The following GNG7 variants were observed in gnomAD, a reference collection of about 807,000 sequenced individuals.
GNG7 encodes the protein G protein subunit gamma 7.
GNG7 carries 1 observed loss-of-function variant against 4.0 expected under a neutral mutation model. That is an observed-to-expected ratio of 0.25 (90% CI 0.09 to 1.18). GNG7 has a LOEUF of 1.18. Among genes scored for constraint, GNG7 ranks in the 50% most tolerant of loss-of-function variants. The pLI is 0.50. For synonymous variants in GNG7, 34 were observed against 36.9 expected, an observed-to-expected ratio of 0.92 and a Z score of 0.29; for missense variants, 86 against 91.9, an observed-to-expected ratio of 0.94 and a Z score of 0.26.
chr19:2,541,018 G>A lies in GNG7; in HGVS notation c.-38+14131C>T, dbSNP rs190999175. On this transcript the variant is annotated intron_variant, in intron 3 of 4. Coordinates refer to ENST00000382159, the MANE Select transcript of GNG7 (RefSeq NM_052847.3). ...CTGAGAGCTGGCCGGGGCGGCCTGC[G>A]TAAAAGGACAGGAATGTCAAGAATG... 4.7e-3 allele frequency among the ~76,000 whole-genome samples: 716 copies of A among 152,378 alleles called. 17 individuals carry two copies. The highest frequency in any genetic ancestry group is 0.04 in the Admixed American group (613 of 15,302).
chr19:2,627,311 C>T (rs567980265), intron 2 of GNG7, among the ~76,000 whole-genome samples: 2 of 151,970 alleles, frequency 1.3e-5, no homozygotes, highest in Non-Finnish European at 2.9e-5. Flanking sequence ...CCAGGATGAC[C>T]CACCCCAGAG....
At chr19:2,518,182 T>C (rs184063531) in intron 4 of GNG7, among the ~76,000 whole-genome samples, 1 of 152,058 alleles carries the variant, frequency 6.6e-6, no homozygotes, top group East Asian at 1.9e-4. Flanking sequence ...GGTCGCCGCG[T>C]TGGAGCTGGG....
At chr19:2,616,161 T>G (rs1981718484) in intron 2 of GNG7, among the ~76,000 whole-genome samples, 1 of 152,160 alleles carries the variant, frequency 6.6e-6, no homozygotes, top group Non-Finnish European at 1.5e-5. Flanking sequence ...GTGATCCCAG[T>G]GCTTTGGGAG....
intron 3 of GNG7, among the ~76,000 whole-genome samples, chr19:2,522,877 T>G (rs1978317822): frequency 6.6e-6 from 1 of 151,360 alleles, no homozygotes; most frequent in Non-Finnish European, 1.5e-5. Flanking sequence ...TTAAGAGGAC[T>G]TTTTTTAGAC....
At chr19:2,663,879 G>A (rs1477074460) in intron 1 of GNG7, among the ~76,000 whole-genome samples, 2 of 152,160 alleles carry the variant, frequency 1.3e-5, no homozygotes, top group Admixed American at 1.3e-4. Context: ...CTGGGGTGGG[G>A]CCGTTCTGGG....
At chr19:2,556,297 G>A (rs1440214524) in intron 2 of GNG7, among the ~76,000 whole-genome samples, 1 of 152,222 alleles carries the variant, frequency 6.6e-6, no homozygotes, top group East Asian at 1.9e-4. Context: ...GGCTCACCCT[G>A]CAGTGGGCTT....
At position 2,609,272 on chromosome 19, in the gene GNG7, A is replaced by C. The variant is rs1276942096; in HGVS notation, c.-78+36952T>G. Among the ~76,000 whole-genome samples the C allele has an allele frequency of 6.6e-6, 1 of 151,696 alleles. No homozygotes were observed. Among genetic ancestry groups the C allele is most frequent in the Non-Finnish European group, 1.5e-5 (1 of 67,916 alleles). On this transcript the variant is annotated intron_variant, in intron 2 of 4. Transcript: ENST00000382159. This position sits in a 1 kb window ranked among gnomAD's most constrained non-coding sequence, Gnocchi z 4.4. ...GAACTCCTAGCCTCATGATCCTCCC[A>C]CCTCAGTGTCCTGTGGAGCTGGGAC...
intron 3 of GNG7, among the ~76,000 whole-genome samples, chr19:2,547,529 C>G (rs1336317391): frequency 6.6e-6 from 1 of 152,108 alleles, no homozygotes; most frequent in African/African-American, 2.4e-5. Flanking sequence ...CCCGGATCAT[C>G]CACGGTGGTG....
intron 3 of GNG7, chr19:2,538,304 C>T (rs1232309638): frequency 6.6e-6 from 3 of 456,250 alleles, no homozygotes; most frequent in African/African-American, 4.0e-5. Flanking sequence ...TTAGAGAGAT[C>T]CCTCCACGAT....
chr19:2,602,414 C>T (rs1981228583), intron 2 of GNG7, among the ~76,000 whole-genome samples: 1 of 152,230 alleles, frequency 6.6e-6, no homozygotes, highest in Admixed American at 6.5e-5. Context: ...CCCCTGTACC[C>T]ACCCCCTCCT....
At chr19:2,574,860 C>T (rs1004573325) in intron 2 of GNG7, among the ~76,000 whole-genome samples, 1 of 152,164 alleles carries the variant, frequency 6.6e-6, no homozygotes, top group Non-Finnish European at 1.5e-5. Flanking sequence ...TCTCCTCTCC[C>T]GCTCTTGTCC....
chr19:2,596,604 GGCTGT>G (rs1473895639), intron 2 of GNG7, among the ~76,000 whole-genome samples: 1 of 151,806 alleles, frequency 6.6e-6, no homozygotes, highest in Non-Finnish European at 1.5e-5. Flanking sequence ...AAGAGGTTGA[GGCTGT>G]AGTGAGCCAT....
At chr19:2,575,740 C>G (rs12971455) in intron 2 of GNG7, among the ~76,000 whole-genome samples, 1,269 of 75,586 alleles carry the variant, frequency 0.017, 8 homozygotes, top group African/African-American at 0.043. Context: ...GGCACACGCA[C>G]ACGCAGGCAC....
At chr19:2,644,126 T>C (rs1982594016) in intron 2 of GNG7, among the ~76,000 whole-genome samples, 1 of 151,662 alleles carries the variant, frequency 6.6e-6, no homozygotes, top group Admixed American at 6.6e-5. Context: ...GTTCAAGCAA[T>C]CCTCCCACCT....
chr19:2,641,555 A>G (rs1982507594), intron 2 of GNG7, among the ~76,000 whole-genome samples: 1 of 152,118 alleles, frequency 6.6e-6, no homozygotes, highest in African/African-American at 2.4e-5. Context: ...GACGCTGGGA[A>G]ATGCGGGAAC....
chr19:2,638,984 C>T (rs1391004830), intron 2 of GNG7, among the ~76,000 whole-genome samples: 1 of 152,110 alleles, frequency 6.6e-6, no homozygotes, highest in East Asian at 1.9e-4. Flanking sequence ...ACACCTGTAT[C>T]CCAGCATTTT....
chr19:2,687,310 T>C (rs946386631), intron 1 of GNG7, among the ~76,000 whole-genome samples: 28 of 152,086 alleles, frequency 1.8e-4, no homozygotes, highest in Non-Finnish European at 4.0e-4. Flanking sequence ...TCCTCTCATC[T>C]TGGCCTCCCA....
chr19:2,560,409 GC>G (rs1979705929), intron 2 of GNG7, among the ~76,000 whole-genome samples: 1 of 152,052 alleles, frequency 6.6e-6, no homozygotes, highest in African/African-American at 2.4e-5. Context: ...GCTTTAGGGG[GC>G]CCAAGCAGGA....
chr19:2,633,487 GCACACA>G lies in GNG7; in HGVS notation c.-78+12731_-78+12736del, dbSNP rs796899840. Among the ~76,000 whole-genome samples the G allele has an allele frequency of 1.1e-3, 112 of 103,800 alleles. No individual in the cohort carries two copies. The highest frequency in any genetic ancestry group is 2.7e-3 in the South Asian group (8 of 2,940). The allele number at this position is 103,800 out of a possible 152,430, so 68.1% of individuals were successfully genotyped here. A position where few individuals can be genotyped will look rare whatever the true frequency, so the allele number is the denominator to read the frequency against. ...TAGCAACAGGCGCGCGCGCGCGCGC[GCACACA>G]CACACACACACACACACACACACAC... On this transcript the variant is annotated intron_variant, in intron 2 of 4. Coordinates refer to ENST00000382159, the MANE Select transcript of GNG7 (RefSeq NM_052847.3). This position sits in a 1 kb window ranked among gnomAD's most constrained non-coding sequence, Gnocchi z 5.9.
Sources: allele counts gnomAD v4.1 joint callset (sites outside exome capture counted in the v4.1 genomes callset), GRCh38; gene constraint gnomAD v4.1.1; non-coding constraint Gnocchi (gnomAD v3.1); transcripts MANE v1.5; gene names NCBI Gene and HGNC (gene_info 2026-07-23, HGNC 2026-07-21).